The following NOX4 variants were observed in gnomAD, a reference collection of about 807,000 sequenced individuals.
NOX4 encodes kidney oxidase-1.
Under a neutral mutation model 87.6 loss-of-function variants are expected in NOX4, and 69 were observed. The ratio of observed to expected loss-of-function variants is 0.79; its 90% CI spans 0.65 to 0.96. The LOEUF (loss-of-function observed/expected upper bound fraction) is 0.96. NOX4 is among the 40% of genes least tolerant of loss of function. The probability of loss-of-function intolerance (pLI) is 0.00; values close to 1 mark genes in which losing one functional copy is unlikely to be tolerated. For missense variants in NOX4, 680 were observed against 681.5 expected, an observed-to-expected ratio of 1.00 and a Z score of 0.02; for synonymous variants, 275 against 238.2, an observed-to-expected ratio of 1.15 and a Z score of -1.42.
At chr11:89,506,945 A>C in the NOX4 span, among the ~76,000 whole-genome samples, 1 of 151,968 alleles carries the variant, frequency 6.6e-6, no homozygotes, top group African/African-American at 2.4e-5. Context: ...ATACTCATAC[A>C]ATGCAATACT....
At chr11:89,409,043 T>TG (rs1465711552) in intron 8 of NOX4, among the ~76,000 whole-genome samples, 1 of 152,112 alleles carries the variant, frequency 6.6e-6, no homozygotes, top group Non-Finnish European at 1.5e-5. Flanking sequence ...AAATAGTACC[T>TG]GTTCCTCTGT....
chr11:89,536,103 G>T, the NOX4 span, among the ~76,000 whole-genome samples: 1 of 150,466 alleles, frequency 6.6e-6, no homozygotes, highest in Admixed American at 6.6e-5. Flanking sequence ...GTAAAGCTCA[G>T]GGTTCTCAGC....
chr11:89,452,435 T>C (rs1272362718), intron 2 of NOX4, among the ~76,000 whole-genome samples: 1 of 152,204 alleles, frequency 6.6e-6, no homozygotes, highest in Non-Finnish European at 1.5e-5. Flanking sequence ...GCACGACTCT[T>C]CTAGACTTCT....
At chr11:89,511,731 C>T in the NOX4 span, among the ~76,000 whole-genome samples, 6 of 137,444 alleles carry the variant, frequency 4.4e-5, no homozygotes, top group Admixed American at 4.2e-4. Context: ...TTTAGAATCA[C>T]TTAAATTATT....
chr11:89,495,108 C>G (rs963707518), upstream of NOX4, among the ~76,000 whole-genome samples: 1 of 152,008 alleles, frequency 6.6e-6, no homozygotes, highest in Non-Finnish European at 1.5e-5. Context: ...ACGCCTGGTT[C>G]ATTTTTAGTT....
intron 8 of NOX4, among the ~76,000 whole-genome samples, chr11:89,416,574 C>A (rs1942786966): frequency 6.6e-6 from 1 of 152,150 alleles, no homozygotes; most frequent in Non-Finnish European, 1.5e-5. Flanking sequence ...ATTTTCCAGT[C>A]AGCACAATAA....
At chr11:89,523,013 C>CGG in the NOX4 span, among the ~76,000 whole-genome samples, 4 of 151,884 alleles carry the variant, frequency 2.6e-5, no homozygotes, top group Non-Finnish European at 5.9e-5. Context: ...AAGTACAGAA[C>CGG]GCTTTTTTTT....
chr11:89,520,477 G>A, the NOX4 span, among the ~76,000 whole-genome samples: 18,797 of 151,954 alleles, frequency 0.12, 1,459 homozygotes, highest in Admixed American at 0.24. Context: ...GTATGAAGAT[G>A]TTTAAAAAAG....
chr11:89,401,194 C>T (rs317143), intron 9 of NOX4, among the ~76,000 whole-genome samples: 23,318 of 151,972 alleles, frequency 0.15, 2,229 homozygotes, highest in East Asian at 0.3. Flanking sequence ...TGCAGACAGA[C>T]CATGCCTCTT....
chr11:89,570,587 C>CT, the NOX4 span, among the ~76,000 whole-genome samples: 1 of 152,156 alleles, frequency 6.6e-6, no homozygotes, highest in Non-Finnish European at 1.5e-5. Flanking sequence ...AATCCCAACA[C>CT]TTTGAGAGGC....
chr11:89,461,559 G>A (rs923092466), intron 2 of NOX4, among the ~76,000 whole-genome samples: 8 of 151,412 alleles, frequency 5.3e-5, no homozygotes, highest in African/African-American at 1.7e-4. Context: ...GCAAGACAAT[G>A]GCATGAACCC....
intron 2 of NOX4, among the ~76,000 whole-genome samples, chr11:89,479,704 A>T (rs1350516681): frequency 6.6e-6 from 1 of 152,196 alleles, no homozygotes; most frequent in Non-Finnish European, 1.5e-5. Flanking sequence ...AAAGATGAAC[A>T]CAATTTCTAC....
rs537235514 is a variant in NOX4 at position 89,447,436 on chromosome 11, A to G, written c.349+2004T>C. Among the ~76,000 whole-genome samples the G allele has an allele frequency of 1.1e-3, 163 of 152,294 alleles. 1 individual carries two copies. The highest frequency in any genetic ancestry group is 3.8e-3 in the African/African-American group (156 of 41,570). ...TTTTTAAAGGACCTCTTAGGTCAAA[A>G]GAATTCAGGGCTTCTAATTTTAGGC... is the stretch of plus-strand genomic sequence containing the variant. On this transcript the variant is annotated intron_variant, in intron 4 of 17. Transcript: ENST00000263317.
In NOX4 at chr11:89,381,836, C is replaced by T. The variant is rs553998660; in HGVS notation, c.1075-8344G>A. Among the ~76,000 whole-genome samples the T allele has an allele frequency of 9.2e-5, 14 of 152,336 alleles. No individual in the cohort carries two copies. In the East Asian group the frequency reaches 2.7e-3, roughly 29 times the overall value. ...AAATCGGGTAAGCAGGCTCTTTTTA[C>T]TCTTCTCCAGCCTCTCTCACTATCC... On this transcript the variant is annotated intron_variant, in intron 11 of 17. Transcript: ENST00000263317.
At chr11:89,452,921 G>T (rs561674417) in intron 2 of NOX4, among the ~76,000 whole-genome samples, 1 of 151,988 alleles carries the variant, frequency 6.6e-6, no homozygotes, top group Non-Finnish European at 1.5e-5. Context: ...TAATGCACCC[G>T]CAGTTCCAGT....
rs750600376 is a variant in NOX4 at position 89,449,501 on chromosome 11, T to C, written c.288A>G (p.Arg96=). Residue 96 remains arginine (R), a synonymous_variant, in exon 4 of 18, where the codon AGA becomes AGG. Coordinates refer to ENST00000263317, the MANE Select transcript of NOX4 (RefSeq NM_016931.5). Reference sequence around the variant, plus strand: ...GGAATGTTCTGCTTTTATCCAACAATCTCCTGGTTCTCCTGCTTGGAACCT... The same window carrying C: ...GGAATGTTCTGCTTTTATCCAACAACCTCCTGGTTCTCCTGCTTGGAACCT... ...SQKVPSRRTR[R]LLDKSRTFHI... 5 of 1,611,602 alleles carry C rather than the reference T, an allele frequency of 3.1e-6. No homozygotes were observed. In the South Asian group the frequency reaches 4.4e-5, roughly 14 times the overall value.
the NOX4 span, among the ~76,000 whole-genome samples, chr11:89,578,222 C>A: frequency 1.3e-5 from 2 of 150,488 alleles, no homozygotes; most frequent in South Asian, 2.1e-4. Context: ...AGTGCCGTGG[C>A]GTGATCACGG....
chr11:89,454,560 G>GAC (rs1945105588), intron 2 of NOX4, among the ~76,000 whole-genome samples: 1 of 152,052 alleles, frequency 6.6e-6, no homozygotes, highest in African/African-American at 2.4e-5. Flanking sequence ...ATGAAACAAT[G>GAC]ACAACCATTA....
intron 12 of NOX4, among the ~76,000 whole-genome samples, chr11:89,369,713 T>C (rs541584): frequency 0.1 from 15,570 of 150,846 alleles, 964 homozygotes; most frequent in South Asian, 0.18. Flanking sequence ...ATCTGTGAGA[T>C]TCCATATATC....
Sources: allele counts gnomAD v4.1 joint callset (sites outside exome capture counted in the v4.1 genomes callset), GRCh38; gene constraint gnomAD v4.1.1; transcripts MANE v1.5; gene names NCBI Gene and HGNC (gene_info 2026-07-23, HGNC 2026-07-21).